The following BAIAP2L1 variants were observed in gnomAD, a reference collection of about 807,000 sequenced individuals.
BAIAP2L1 encodes the protein BAR/IMD domain-containing adapter protein 2-like 1.
BAIAP2L1 carries 35 observed loss-of-function variants against 66.3 expected under a neutral mutation model. That is an observed-to-expected ratio of 0.53 (90% CI 0.40 to 0.70). The LOEUF is 0.70. Ranked by LOEUF, BAIAP2L1 falls within the 30% of genes least tolerant of loss-of-function variation. The pLI, the probability that BAIAP2L1 is intolerant of heterozygous loss-of-function variation, is 0.00. For missense variants in BAIAP2L1, 622 were observed against 656.9 expected, an observed-to-expected ratio of 0.95 and a Z score of 0.58; for synonymous variants, 269 against 248.7, an observed-to-expected ratio of 1.08 and a Z score of -0.77.
chr7:98,383,225 ATCCT>A (rs1802801453), intron 1 of BAIAP2L1, among the ~76,000 whole-genome samples: 1 of 151,912 alleles, frequency 6.6e-6, no homozygotes, highest in African/African-American at 2.4e-5. Context: ...TGGAAACACA[ATCCT>A]TCCTATTCTA....
At chr7:98,390,740 A>AC (rs11464141) in intron 1 of BAIAP2L1, among the ~76,000 whole-genome samples, 2 of 151,650 alleles carry the variant, frequency 1.3e-5, no homozygotes, top group African/African-American at 4.8e-5. Context: ...TCAAAAAAAA[A>AC]CAAAAAACAA....
chr7:98,315,061 G>T (rs1801023110), intron 7 of BAIAP2L1, among the ~76,000 whole-genome samples: 1 of 152,188 alleles, frequency 6.6e-6, no homozygotes. Flanking sequence ...TTGGCAAAAT[G>T]GCCCACTGCT....
chr7:98,389,291 A>C (rs1802969642), intron 1 of BAIAP2L1, among the ~76,000 whole-genome samples: 1 of 152,150 alleles, frequency 6.6e-6, no homozygotes, highest in South Asian at 2.1e-4. Flanking sequence ...CCCCTACCCC[A>C]ATCTTTTCTG....
chr7:98,301,656 G>A (rs1001364094), intron 12 of BAIAP2L1, among the ~76,000 whole-genome samples: 2 of 152,032 alleles, frequency 1.3e-5, no homozygotes, highest in Non-Finnish European at 2.9e-5. Flanking sequence ...GGAACCTGAA[G>A]ATGATGGTGT....
chr7:98,351,633 G>A (rs1211039455), intron 3 of BAIAP2L1, among the ~76,000 whole-genome samples: 1 of 152,144 alleles, frequency 6.6e-6, no homozygotes, highest in Non-Finnish European at 1.5e-5. Flanking sequence ...ATGAGGAAAT[G>A]AGTATGAGGA....
intron 12 of BAIAP2L1, among the ~76,000 whole-genome samples, chr7:98,296,553 G>A (rs1472204565): frequency 2.0e-5 from 3 of 152,214 alleles, no homozygotes; most frequent in African/African-American, 7.2e-5. Context: ...TGAACAGGGA[G>A]GCAGAGGTTG....
At chr7:98,318,772 GTC>G (rs1002457109) in intron 5 of BAIAP2L1, among the ~76,000 whole-genome samples, 1 of 151,320 alleles carries the variant, frequency 6.6e-6, no homozygotes, top group Non-Finnish European at 1.5e-5. Context: ...GTGAAACCCC[GTC>G]TCTACTAAAA....
chr7:98,389,500 T>C (rs571593980), intron 1 of BAIAP2L1, among the ~76,000 whole-genome samples: 7 of 152,100 alleles, frequency 4.6e-5, no homozygotes, highest in African/African-American at 1.7e-4. Context: ...TTTGTATTTT[T>C]AGTAGAGACG....
At chr7:98,320,341 T>C (rs765036293) in intron 3 of BAIAP2L1, 43 bp from the exon 4 acceptor site, 2 of 1,458,868 alleles carry the variant, frequency 1.4e-6, no homozygotes, top group African/African-American at 1.4e-5. Flanking sequence ...CCATTGCGTA[T>C]TTTTTTGTTT....
At chr7:98,369,514 T>C (rs1386423022) in intron 1 of BAIAP2L1, among the ~76,000 whole-genome samples, 2 of 152,052 alleles carry the variant, frequency 1.3e-5, no homozygotes, top group African/African-American at 2.4e-5. Context: ...CTTATGAGGC[T>C]GGGTGTAGGT....
chr7:98,360,813 C>A (rs1802252999), intron 2 of BAIAP2L1, among the ~76,000 whole-genome samples: 1 of 152,152 alleles, frequency 6.6e-6, no homozygotes, highest in Non-Finnish European at 1.5e-5. Context: ...TCACGGGGAC[C>A]ACTGGAGGGC....
intron 10 of BAIAP2L1, 118 bp from the exon 11 acceptor site, chr7:98,306,634 T>C: frequency 6.9e-7 from 1 of 1,439,572 alleles, no homozygotes; most frequent in Admixed American, 2.2e-5. Flanking sequence ...AACGCCCATG[T>C]GTGGAGGAAA....
At chr7:98,397,975 T>G (rs1803256148) in intron 1 of BAIAP2L1, among the ~76,000 whole-genome samples, 2 of 152,348 alleles carry the variant, frequency 1.3e-5, no homozygotes, top group Non-Finnish European at 2.9e-5. Flanking sequence ...ACACAGCATA[T>G]ATTTAAGGAT....
chr7:98,375,656 G>T (rs1562789633), intron 1 of BAIAP2L1, among the ~76,000 whole-genome samples: 1 of 151,128 alleles, frequency 6.6e-6, no homozygotes, highest in Non-Finnish European at 1.5e-5. Flanking sequence ...GGCCGAGGCA[G>T]GAGAATCGCT....
At chr7:98,294,021 T>C (rs368175991) in intron 13 of BAIAP2L1, 53 bp downstream of exon 13, 48 of 1,595,860 alleles carry the variant, frequency 3.0e-5, no homozygotes, top group Non-Finnish European at 4.0e-5. Flanking sequence ...CGGGGGACAC[T>C]ACAGGGAAGA....
Position 98,303,409 on chromosome 7 carries a change from C to A in BAIAP2L1, c.1422+787G>T, listed in dbSNP as rs147246805. Among the ~76,000 whole-genome samples, 5 of 152,348 alleles carry A rather than the reference C, an allele frequency of 3.3e-5. No homozygotes were observed. The East Asian group carries it at 9.7e-4, about 29-fold the overall frequency. On this transcript the variant is annotated intron_variant, in intron 12 of 13. Transcript: ENST00000005260. ...TTCACCCACAGGTCTCACACCAGGGCGCACTAACCTCAGCCAACCCAGCCC... is the reference window on the plus strand; with the variant it reads ...TTCACCCACAGGTCTCACACCAGGGAGCACTAACCTCAGCCAACCCAGCCC...
At chr7:98,322,938 G>C (rs1234934966) in intron 3 of BAIAP2L1, 2 of 152,288 alleles carry the variant, frequency 1.3e-5, no homozygotes, top group Non-Finnish European at 2.9e-5. Context: ...GGTGGGGTCA[G>C]AGGCTCTCAG....
intron 10 of BAIAP2L1, 44 bp from the exon 11 acceptor site, chr7:98,306,560 G>A (rs1800665228): frequency 1.2e-6 from 2 of 1,613,762 alleles, no homozygotes; most frequent in African/African-American, 1.3e-5. Context: ...CAGTAGACAT[G>A]TGGACGGCAA....
Position 98,401,063 on chromosome 7 carries a change from G to T in BAIAP2L1, c.-211C>A, listed in dbSNP as rs571859628. The T allele has an allele frequency of 9.9e-5, 38 of 382,658 alleles. No homozygotes were observed. The East Asian group carries it at 1.0e-3, about 11-fold the overall frequency. The allele number at this position is 382,658 out of a possible 1,614,324, so 23.7% of individuals were successfully genotyped here. A position where few individuals can be genotyped will look rare whatever the true frequency, so the allele number is the denominator to read the frequency against. On this transcript the variant is annotated 5_prime_UTR_variant, in exon 1 of 14. In the 5' UTR this introduces an upstream ATG that the reference lacks. Coordinates refer to ENST00000005260, the MANE Select transcript of BAIAP2L1 (RefSeq NM_018842.5). ...CCGCCCTGGCCTTCTTCGAGGAGCA[G>T]AGGAGAAGCGGCCGGACGCCGCCAG...
Sources: gnomAD v4.1 joint callset for allele counts (sites outside exome capture counted in the v4.1 genomes callset) on GRCh38, gnomAD v4.1.1 for gene constraint, MANE v1.5 for transcripts, NCBI Gene and HGNC (gene_info 2026-07-23, HGNC 2026-07-21) for gene names.